KCNIP4: variants seen among roughly 807,000 people sequenced by gnomAD.
The protein encoded by KCNIP4 is Kv channel-interacting protein 4.
Under a neutral mutation model 34.0 loss-of-function variants are expected in KCNIP4, and 12 were observed. That is an observed-to-expected ratio of 0.35 (90% CI 0.23 to 0.57). The LOEUF (loss-of-function observed/expected upper bound fraction) is 0.57. Among genes scored for constraint, KCNIP4 ranks in the 20% least tolerant of loss-of-function variants. The pLI, the probability that KCNIP4 is intolerant of heterozygous loss-of-function variation, is 0.83. For missense variants in KCNIP4, 238 were observed against 311.7 expected, an observed-to-expected ratio of 0.76 and a Z score of 1.78; for synonymous variants, 124 against 102.2, an observed-to-expected ratio of 1.21 and a Z score of -1.29.
At chr4:21,492,884 G>T (rs1418501270) in intron 1 of KCNIP4, among the ~76,000 whole-genome samples, 1 of 152,058 alleles carries the variant, frequency 6.6e-6, no homozygotes, top group Non-Finnish European at 1.5e-5. Flanking sequence ...TTCCATTCAG[G>T]CCTATTCCAG....
At chr4:21,819,167 G>T (rs575201318) in intron 1 of KCNIP4, among the ~76,000 whole-genome samples, 10 of 152,178 alleles carry the variant, frequency 6.6e-5, no homozygotes, top group Non-Finnish European at 1.5e-4. Flanking sequence ...TTAAAACCCT[G>T]CCAGGGCTTC....
chr4:20,958,838 G>A (rs933688515), intron 1 of KCNIP4, among the ~76,000 whole-genome samples: 17 of 152,320 alleles, frequency 1.1e-4, no homozygotes, highest in Admixed American at 3.9e-4. Flanking sequence ...GTTTTCACCA[G>A]CATGAATACC....
rs71193417 is a variant in KCNIP4 at position 21,869,727 on chromosome 4, GAGATAGATAGATAGATAGAT to G, written c.61+78824_61+78843del. ...CCCCACCGCCACATAGAGAGATAAG[GAGATAGATAGATAGATAGAT>G]AGATAGATAGATAGATAGATAGATA... On this transcript the variant is annotated intron_variant, in intron 1 of 8. Coordinates refer to ENST00000382152, the MANE Select transcript of KCNIP4 (RefSeq NM_025221.6). Among the ~76,000 whole-genome samples the G allele has an allele frequency of 9.7e-4, 139 of 143,602 alleles. 1 individual carries two copies. The highest frequency in any genetic ancestry group is 4.3e-3 in the East Asian group (21 of 4,836). 94.2% of individuals were successfully genotyped at this position (143,602 alleles called of 152,430 possible).
intron 1 of KCNIP4, among the ~76,000 whole-genome samples, chr4:20,928,438 A>G (rs1730113890): frequency 6.6e-6 from 1 of 151,944 alleles, no homozygotes; most frequent in Non-Finnish European, 1.5e-5. Context: ...TGACAACACA[A>G]CATATCAAAA....
chr4:21,754,219 T>C (rs1439906071), intron 1 of KCNIP4, among the ~76,000 whole-genome samples: 1 of 151,664 alleles, frequency 6.6e-6, no homozygotes, highest in African/African-American at 2.4e-5. Context: ...CACTTTACAA[T>C]GGAAAGTTCT....
intron 1 of KCNIP4, among the ~76,000 whole-genome samples, chr4:21,447,966 C>T (rs1728176442): frequency 6.6e-6 from 1 of 152,052 alleles, no homozygotes; most frequent in African/African-American, 2.4e-5. Flanking sequence ...TTGGAATTTT[C>T]CATTTAATAT....
chr4:21,279,694 AC>A, intron 1 of KCNIP4, among the ~76,000 whole-genome samples: 1 of 152,032 alleles, frequency 6.6e-6, no homozygotes, highest in South Asian at 2.1e-4. Context: ...CAGTAGATGG[AC>A]CTCCCTGTTG....
At chr4:21,765,626 CT>C (rs1442780324) in intron 1 of KCNIP4, among the ~76,000 whole-genome samples, 2 of 151,174 alleles carry the variant, frequency 1.3e-5, no homozygotes, top group East Asian at 2.0e-4. Context: ...TTTTTCTTTT[CT>C]TTTTTTTCTT....
At chr4:21,360,306 T>C (rs1434007543) in intron 1 of KCNIP4, among the ~76,000 whole-genome samples, 4 of 152,022 alleles carry the variant, frequency 2.6e-5, no homozygotes, top group Non-Finnish European at 5.9e-5. Context: ...TATTAGAAAA[T>C]TAAAATCATT....
At chr4:21,067,737 C>T (rs1348007681) in intron 1 of KCNIP4, among the ~76,000 whole-genome samples, 2 of 152,126 alleles carry the variant, frequency 1.3e-5, no homozygotes, top group Non-Finnish European at 2.9e-5. Flanking sequence ...TGCATTACCC[C>T]TCTCCCAGCT....
chr4:21,526,634 G>T (rs1230261184), intron 1 of KCNIP4, among the ~76,000 whole-genome samples: 1 of 151,672 alleles, frequency 6.6e-6, no homozygotes, highest in Non-Finnish European at 1.5e-5. Flanking sequence ...ATCACCTATT[G>T]TTCTTGATAT....
Position 21,085,552 on chromosome 4 carries a change from T to A in KCNIP4, c.62-202843A>T, listed in dbSNP as rs914802224. Among the ~76,000 whole-genome samples the A allele has an allele frequency of 2.6e-5, 4 of 152,170 alleles. No homozygotes were observed. In the East Asian group the frequency reaches 7.7e-4, roughly 29 times the overall value. On this transcript the variant is annotated intron_variant, in intron 1 of 8. Coordinates refer to ENST00000382152, the MANE Select transcript of KCNIP4 (RefSeq NM_025221.6). ...TGCCTCCATGGTTTTAGAGCTGATG[T>A]CAAATGGGAACACCCTGGTGACACC...
chr4:21,814,160 C>A (rs1024672870), intron 1 of KCNIP4, among the ~76,000 whole-genome samples: 6 of 152,108 alleles, frequency 3.9e-5, no homozygotes, highest in Non-Finnish European at 7.3e-5. Flanking sequence ...TTATAATTCA[C>A]ATATTTCTAA....
At chr4:21,213,182 C>T (rs61442917) in intron 1 of KCNIP4, among the ~76,000 whole-genome samples, 14 of 152,116 alleles carry the variant, frequency 9.2e-5, no homozygotes, top group Admixed American at 7.2e-4. Context: ...GCACATGAGG[C>T]AAAGTTGGGG....
At chr4:21,333,183 C>A (rs1560298540) in intron 1 of KCNIP4, among the ~76,000 whole-genome samples, 1 of 151,988 alleles carries the variant, frequency 6.6e-6, no homozygotes, top group Non-Finnish European at 1.5e-5. Context: ...TAATTCTCAA[C>A]AGAATTGGTG....
chr4:21,481,788 C>T (rs358586), intron 1 of KCNIP4, among the ~76,000 whole-genome samples: 105,307 of 151,922 alleles, frequency 0.69, 36,909 homozygotes, highest in African/African-American at 0.8. Context: ...TGCCTATCTG[C>T]TTATGCACAC....
intron 1 of KCNIP4, among the ~76,000 whole-genome samples, chr4:21,086,554 A>G (rs1451571797): frequency 6.6e-6 from 1 of 152,226 alleles, no homozygotes; most frequent in Admixed American, 6.5e-5. Flanking sequence ...CTCATGAAGT[A>G]TAATTTGACA....
chr4:21,656,335 A>T (rs1161857620), intron 1 of KCNIP4, among the ~76,000 whole-genome samples: 1 of 152,096 alleles, frequency 6.6e-6, no homozygotes, highest in Non-Finnish European at 1.5e-5. Flanking sequence ...CTGCAGTATG[A>T]CCTCATCTTA....
intron 1 of KCNIP4, among the ~76,000 whole-genome samples, chr4:21,024,735 G>A (rs1292729662): frequency 6.6e-6 from 1 of 152,166 alleles, no homozygotes; most frequent in East Asian, 1.9e-4. Flanking sequence ...GACATTTAGT[G>A]AATGTCAAGA....
Sources: allele counts gnomAD v4.1 joint callset (sites outside exome capture counted in the v4.1 genomes callset), GRCh38; gene constraint gnomAD v4.1.1; transcripts MANE v1.5; gene names NCBI Gene and HGNC (gene_info 2026-07-23, HGNC 2026-07-21).